Variants in CNOT1 observed in about 807,000 individuals in gnomAD.
CNOT1 encodes the protein CCR4-NOT transcription complex subunit 1.
CNOT1 carries 15 observed loss-of-function variants against 273.8 expected under a neutral mutation model. The ratio of observed to expected loss-of-function variants is 0.05; its 90% CI spans 0.04 to 0.08. The LOEUF (loss-of-function observed/expected upper bound fraction) is 0.08. Among genes scored for constraint, CNOT1 ranks in the 10% least tolerant of loss-of-function variants. The pLI, the probability that CNOT1 is intolerant of heterozygous loss-of-function variation, is 1.00. For synonymous variants in CNOT1, 1,022 were observed against 1,005.5 expected (o/e 1.02, Z -0.31); for missense variants, 1,644 against 2,912.2 (o/e 0.56, Z 10.02).
chr16:58,547,475 C>CTTACAAAACCTTA lies in CNOT1; in HGVS notation c.3639+90_3639+91insTAAGGTTTTGTAA. 2 of 1,524,014 alleles carry CTTACAAAACCTTA rather than the reference C, an allele frequency of 1.3e-6. No homozygotes were observed. Among genetic ancestry groups the CTTACAAAACCTTA allele is most frequent in the Admixed American group, 4.1e-5 (2 of 49,060 alleles). The allele number at this position is 1,524,014 out of a possible 1,614,324, so 94.4% of individuals were successfully genotyped here. A position where few individuals can be genotyped will look rare whatever the true frequency, so the allele number is the denominator to read the frequency against. On this transcript the variant is annotated intron_variant, in intron 26 of 48. Transcript: ENST00000317147. The surrounding 1 kb of genome is among the most constrained non-coding windows in gnomAD (Gnocchi z 4.0). ...ACGTGGGCCAAAATCTTACAAAACC[C>CTTACAAAACCTTA]CAATAATCATTAAATAGCTCCAAAC...
At chr16:58,530,738 C>T (rs1029745745) in intron 42 of CNOT1, 2 of 150,928 alleles carry the variant, frequency 1.3e-5, no homozygotes, top group African/African-American at 5.0e-5. Context: ...GAGCCGAGGT[C>T]GTGGCACTGC....
At chr16:58,573,803 T>C (rs2041368845) in intron 16 of CNOT1, among the ~76,000 whole-genome samples, 1 of 151,932 alleles carries the variant, frequency 6.6e-6, no homozygotes, top group African/African-American at 2.4e-5. Context: ...TCTTAAACTT[T>C]TTAGGAAAAT....
rs192538149 is a variant in CNOT1 at position 58,532,459 on chromosome 16, A to G, written c.5896-64T>C. The G allele has an allele frequency of 4.0e-5, 62 of 1,568,428 alleles. 1 individual carries two copies. The East Asian group carries it at 1.1e-3, about 29-fold the overall frequency. On this transcript the variant is annotated intron_variant, in intron 40 of 48. Coordinates refer to ENST00000317147, the MANE Select transcript of CNOT1 (RefSeq NM_016284.5). ...ATAATCCACTCACCACTTCGATGTC[A>G]TGCTTTTTAAACTTTGCATTCTTAA...
Position 58,526,118 on chromosome 16 carries a change from A to G in CNOT1, c.6474T>C (p.Ile2158=). Residue 2158 remains isoleucine, a synonymous_variant, in exon 45 of 49, where the codon ATT becomes ATC. Transcript: ENST00000317147. The stretch of plus-strand genomic sequence containing the variant: ...TGGTGAGAATCCGGGGAGCAATGTT[A>G]ATTTCACTCAACATGTCCACCTGCC... ...PNLKVDMLSE[I]NIAPRILTNF... The G allele has an allele frequency of 6.2e-7, 1 of 1,614,078 alleles. No individual in the cohort carries two copies. Among genetic ancestry groups the G allele is most frequent in the Non-Finnish European group, 8.5e-7 (1 of 1,179,990 alleles).
chr16:58,555,301 T>G lies in CNOT1; in HGVS notation c.2841A>C (p.Gly947=), dbSNP rs149793943. 433 of 1,614,028 alleles carry G rather than the reference T, an allele frequency of 2.7e-4. No individual in the cohort carries two copies. Among genetic ancestry groups the G allele is most frequent in the Non-Finnish European group, 3.5e-4 (409 of 1,180,036 alleles). ...CAATCCCGAAATAATACATTTTGGA[T>G]CCAAAAGGCTTGCGTAAGGCTTCAA... ...YVLEALRKPF[G]SKMYYFGIAA... The change falls in exon 21 of 49, where the codon GGA becomes GGC. Residue 947 remains glycine (G), a synonymous_variant. Coordinates refer to ENST00000317147, the MANE Select transcript of CNOT1 (RefSeq NM_016284.5).
At chr16:58,553,651 G>C in intron 22 of CNOT1, 131 bp downstream of exon 22, 1 of 1,124,260 alleles carries the variant, frequency 8.9e-7, no homozygotes, top group Non-Finnish European at 1.2e-6. Flanking sequence ...CAAAAGATAT[G>C]TGTACCTATA....
chr16:58,567,027 G>T (rs569648466), intron 16 of CNOT1, among the ~76,000 whole-genome samples: 1 of 152,004 alleles, frequency 6.6e-6, no homozygotes, highest in African/African-American at 2.4e-5. Flanking sequence ...GGTGGCATGC[G>T]TCTATAGGAC....
chr16:58,616,000 C>A (rs540530687), intron 1 of CNOT1, among the ~76,000 whole-genome samples: 1 of 122,422 alleles, frequency 8.2e-6, no homozygotes, highest in East Asian at 2.0e-4. Context: ...AGGGGGAGGA[C>A]TGTCTGAGCC....
In CNOT1 at chr16:58,547,140, C is replaced by T. The variant is rs778856925; in HGVS notation, c.3750+46G>A. On this transcript the variant is annotated intron_variant, in intron 27 of 48. Transcript: ENST00000317147. This position sits in a 1 kb window ranked among gnomAD's most constrained non-coding sequence, Gnocchi z 4.0. ...CTCTTGACCTCATGCTAAAACAAAGCAATGCTTAGAAATTAGTCATAAATA... is the reference window on the plus strand; with the variant it reads ...CTCTTGACCTCATGCTAAAACAAAGTAATGCTTAGAAATTAGTCATAAATA... 1 of 1,587,180 alleles carries T rather than the reference C, an allele frequency of 6.3e-7. No individual in the cohort carries two copies. The highest frequency in any genetic ancestry group is 1.4e-5 in the African/African-American group (1 of 73,734).
intron 1 of CNOT1, among the ~76,000 whole-genome samples, chr16:58,626,410 A>G (rs1485153514): frequency 6.8e-6 from 1 of 148,090 alleles, no homozygotes; most frequent in Admixed American, 6.7e-5. Flanking sequence ...GCGTCTCAAA[A>G]AAAAAAAAAA....
chr16:58,554,551 G>A (rs187523966), intron 21 of CNOT1, among the ~76,000 whole-genome samples: 34 of 152,210 alleles, frequency 2.2e-4, no homozygotes, highest in Admixed American at 2.2e-3. Flanking sequence ...ACACCTAAAG[G>A]GAAGACTTCT....
intron 16 of CNOT1, among the ~76,000 whole-genome samples, chr16:58,570,441 C>T (rs2041228308): frequency 6.6e-6 from 1 of 152,088 alleles, no homozygotes; most frequent in African/African-American, 2.4e-5. Flanking sequence ...GGTTCGACAC[C>T]AGACTGGGCA....
chr16:58,577,642 T>C (rs2041504791), intron 13 of CNOT1, among the ~76,000 whole-genome samples: 1 of 152,064 alleles, frequency 6.6e-6, no homozygotes, highest in Admixed American at 6.6e-5. Flanking sequence ...TGTAGGATAT[T>C]AGCTTGGGAA....
At chr16:58,575,278 T>G in intron 14 of CNOT1, 149 bp from the exon 15 acceptor site, 1 of 1,162,908 alleles carries the variant, frequency 8.6e-7, no homozygotes, top group Non-Finnish European at 1.2e-6. Context: ...CTAAGCACAA[T>G]TCAGGGGTAA....
intron 16 of CNOT1, among the ~76,000 whole-genome samples, chr16:58,565,985 T>G (rs1281689949): frequency 6.8e-6 from 1 of 147,702 alleles, no homozygotes; most frequent in East Asian, 1.9e-4. Context: ...GAATGTCCCT[T>G]GATTTGAGTT....
chr16:58,556,019 A>C, intron 19 of CNOT1, 111 bp from the exon 20 acceptor site: 1 of 1,504,354 alleles, frequency 6.6e-7, no homozygotes, highest in Non-Finnish European at 8.8e-7. Context: ...GAAATATAAA[A>C]AAACTGGAAA....
intron 16 of CNOT1, among the ~76,000 whole-genome samples, chr16:58,561,502 C>T (rs961826483): frequency 1.3e-5 from 2 of 151,998 alleles, no homozygotes; most frequent in Non-Finnish European, 2.9e-5. Context: ...ATAGTAATTA[C>T]CTTTAACAAG....
intron 22 of CNOT1, among the ~76,000 whole-genome samples, chr16:58,552,596 A>G (rs921330131): frequency 1.3e-5 from 2 of 152,132 alleles, no homozygotes; most frequent in African/African-American, 2.4e-5. Flanking sequence ...GAATGAATAT[A>G]CTCCACATTC....
At chr16:58,525,072 G>T in intron 46 of CNOT1, 107 bp downstream of exon 46, 1 of 1,025,258 alleles carries the variant, frequency 9.8e-7, no homozygotes, top group Non-Finnish European at 1.5e-6. Flanking sequence ...TATACTGACA[G>T]AACATTCCTT....
Sources: allele counts gnomAD v4.1 joint callset (sites outside exome capture counted in the v4.1 genomes callset), GRCh38; gene constraint gnomAD v4.1.1; non-coding constraint Gnocchi (gnomAD v3.1); transcripts MANE v1.5; gene names NCBI Gene and HGNC (gene_info 2026-07-23, HGNC 2026-07-21).